AKAP6: variants seen among roughly 807,000 people sequenced by gnomAD.
The protein encoded by AKAP6 is A-kinase anchoring protein 6.
AKAP6 carries 58 observed loss-of-function variants against 188.5 expected under a neutral mutation model. The observed-to-expected ratio is 0.31, with a 90% confidence interval of 0.25 to 0.38. The LOEUF is 0.38. Among genes scored for constraint, AKAP6 ranks in the 10% least tolerant of loss-of-function variants. The pLI, the probability that AKAP6 is intolerant of heterozygous loss-of-function variation, is 1.00. For synonymous variants in AKAP6, 989 were observed against 998.6 expected (o/e 0.99, Z 0.18); for missense variants, 2,710 against 2,740.0 (o/e 0.99, Z 0.24).
intron 7 of AKAP6, among the ~76,000 whole-genome samples, chr14:32,635,409 A>G (rs944441467): frequency 6.6e-6 from 1 of 152,076 alleles, no homozygotes; most frequent in African/African-American, 2.4e-5. Context: ...GTCCATTCTA[A>G]TTTGTATCAA....
At chr14:32,485,797 G>C (rs1412973553) in intron 2 of AKAP6, among the ~76,000 whole-genome samples, 1 of 152,104 alleles carries the variant, frequency 6.6e-6, no homozygotes, top group African/African-American at 2.4e-5. Context: ...TCCTTTGGCT[G>C]TGCAGAAGCT....
At chr14:32,809,804 G>C (rs12885221) in intron 12 of AKAP6, among the ~76,000 whole-genome samples, 33,890 of 152,134 alleles carry the variant, frequency 0.22, 4,399 homozygotes, top group Non-Finnish European at 0.29. Flanking sequence ...TTATCCAAGT[G>C]TTCCTTGTGC....
At chr14:32,636,803 G>C (rs1887512531) in intron 7 of AKAP6, among the ~76,000 whole-genome samples, 1 of 152,074 alleles carries the variant, frequency 6.6e-6, no homozygotes, top group Non-Finnish European at 1.5e-5. Context: ...GGCAAGAGAG[G>C]AGCAGACTGT....
chr14:32,672,823 T>A (rs1224201716), intron 7 of AKAP6, among the ~76,000 whole-genome samples: 1 of 152,124 alleles, frequency 6.6e-6, no homozygotes, highest in African/African-American at 2.4e-5. Flanking sequence ...GATGCAACTT[T>A]CTCCAAGTAC....
intron 7 of AKAP6, among the ~76,000 whole-genome samples, chr14:32,672,045 A>T (rs750434381): frequency 5.9e-5 from 9 of 152,292 alleles, no homozygotes; most frequent in Middle Eastern, 3.4e-3. Context: ...ATTATTAGTT[A>T]CACACACAAG....
chr14:32,741,644 G>C (rs1436146913), intron 11 of AKAP6, among the ~76,000 whole-genome samples: 2 of 151,668 alleles, frequency 1.3e-5, no homozygotes, highest in African/African-American at 4.8e-5. Flanking sequence ...CTTTCATTCT[G>C]TTGATATGAT....
intron 7 of AKAP6, among the ~76,000 whole-genome samples, chr14:32,663,484 A>G (rs1012654714): frequency 2.0e-5 from 3 of 152,046 alleles, no homozygotes; most frequent in Admixed American, 1.3e-4. Flanking sequence ...CCTGTGTACT[A>G]TAAGGTGAAG....
At chr14:32,452,976 G>C (rs984510547) in intron 2 of AKAP6, among the ~76,000 whole-genome samples, 2 of 152,198 alleles carry the variant, frequency 1.3e-5, no homozygotes, top group African/African-American at 4.8e-5. Context: ...TTGTTGGAAG[G>C]ATGAAAGTCA....
chr14:32,547,074 T>C, intron 4 of AKAP6, 75 bp downstream of exon 4: 2 of 1,299,028 alleles, frequency 1.5e-6, no homozygotes, highest in Non-Finnish European at 2.1e-6. Flanking sequence ...GTCACACTCC[T>C]ACACTCTATT....
intron 1 of AKAP6, among the ~76,000 whole-genome samples, chr14:32,356,782 T>G (rs1473605943): frequency 6.6e-6 from 1 of 152,038 alleles, no homozygotes; most frequent in Non-Finnish European, 1.5e-5. Flanking sequence ...GCATGTCGCT[T>G]GATTTTTCAT....
intron 5 of AKAP6, among the ~76,000 whole-genome samples, chr14:32,588,866 A>T (rs1174618073): frequency 1.3e-5 from 2 of 152,194 alleles, no homozygotes; most frequent in Non-Finnish European, 2.9e-5. Context: ...TTCTGATTAA[A>T]CAGCTTTCGT....
intron 1 of AKAP6, among the ~76,000 whole-genome samples, chr14:32,351,284 C>T (rs367788997): frequency 2.6e-5 from 4 of 152,082 alleles, no homozygotes; most frequent in African/African-American, 9.7e-5. Flanking sequence ...TTACCTGGGC[C>T]AGGCATGGTG....
chr14:32,646,774 T>G (rs375050628), intron 7 of AKAP6, among the ~76,000 whole-genome samples: 9 of 152,212 alleles, frequency 5.9e-5, no homozygotes, highest in Non-Finnish European at 1.2e-4. Flanking sequence ...TCCATCTTCA[T>G]TGAAATCTAG....
chr14:32,555,380 G>A (rs11627712), intron 4 of AKAP6, among the ~76,000 whole-genome samples: 43,498 of 151,860 alleles, frequency 0.29, 6,288 homozygotes, highest in East Asian at 0.38. Context: ...CCAGAGGAAC[G>A]CATCCTAGCA....
chr14:32,417,848 C>G (rs1889713348), intron 1 of AKAP6: 1 of 152,064 alleles, frequency 6.6e-6, no homozygotes, highest in South Asian at 2.1e-4. Flanking sequence ...CCCAACTGCT[C>G]TTATTTAAAA....
Position 32,568,912 on chromosome 14 carries a change from T to C in AKAP6, c.2347-8208T>C, listed in dbSNP as rs747971550. 1.1e-4 allele frequency among the ~76,000 whole-genome samples: 16 copies of C among 152,206 alleles called. No homozygotes were observed. The highest frequency in any genetic ancestry group is 2.6e-4 in the Admixed American group (4 of 15,272). On this transcript the variant is annotated intron_variant, in intron 4 of 13. Coordinates refer to ENST00000280979, the MANE Select transcript of AKAP6 (RefSeq NM_004274.5). This position sits in a 1 kb window ranked among gnomAD's most constrained non-coding sequence, Gnocchi z 6.2. Reference sequence around the variant, plus strand: ...TTTTATTAGACTTTGATGATATGCATTCCAATCTTGTTTTGCCCTTAGAAT... The same window carrying C: ...TTTTATTAGACTTTGATGATATGCACTCCAATCTTGTTTTGCCCTTAGAAT...
chr14:32,829,226 C>T (rs538357940), intron 13 of AKAP6, among the ~76,000 whole-genome samples: 3 of 152,168 alleles, frequency 2.0e-5, no homozygotes, highest in Non-Finnish European at 2.9e-5. Flanking sequence ...GAATCCATCT[C>T]GTTTCCACAA....
In AKAP6 at chr14:32,830,697, T is replaced by C. The variant is rs2034804320; in HGVS notation, c.*892T>C. Reference sequence around the variant, plus strand: ...TACAAACATTGATGTATAATGACAGTATAAAATGCTTTCATGTTTGTGATG... The same window carrying C: ...TACAAACATTGATGTATAATGACAGCATAAAATGCTTTCATGTTTGTGATG... On this transcript the variant is annotated 3_prime_UTR_variant, in exon 14 of 14. Coordinates refer to ENST00000280979, the MANE Select transcript of AKAP6 (RefSeq NM_004274.5). 6.6e-6 allele frequency: 1 copy of C among 152,638 alleles called. No individual in the cohort carries two copies. The highest frequency in any genetic ancestry group is 6.5e-5 in the Admixed American group (1 of 15,280). The allele number at this position is 152,638 out of a possible 1,614,324, so 9.5% of individuals were successfully genotyped here. A position where few individuals can be genotyped will look rare whatever the true frequency, so the allele number is the denominator to read the frequency against.
intron 8 of AKAP6, among the ~76,000 whole-genome samples, chr14:32,688,106 A>AT (rs1355076599): frequency 1.3e-4 from 19 of 150,710 alleles, no homozygotes; most frequent in Admixed American, 5.3e-4. Flanking sequence ...ATGAAGACAT[A>AT]AATATATAAT....
Sources: gnomAD v4.1 joint callset for allele counts (sites outside exome capture counted in the v4.1 genomes callset) on GRCh38, gnomAD v4.1.1 for gene constraint, Gnocchi (gnomAD v3.1) non-coding constraint, MANE v1.5 for transcripts, NCBI Gene and HGNC (gene_info 2026-07-23, HGNC 2026-07-21) for gene names.